Variants in ZNF469 observed in about 807,000 individuals in gnomAD.
ZNF469 encodes zinc finger protein 469.
Under a neutral mutation model 1.0 loss-of-function variants are expected in ZNF469, and 1 was observed. The observed-to-expected ratio is 1.00, with a 90% confidence interval of 0.35 to 4.73. The LOEUF (loss-of-function observed/expected upper bound fraction) is 4.73. ZNF469 is among the 30% of genes most tolerant of loss of function. The pLI is 0.16. For missense variants in ZNF469, 6,100 were observed against 5,356.3 expected (o/e 1.14, Z -4.33); for synonymous variants, 2,703 against 2,363.4 (o/e 1.14, Z -4.17).
chr16:88,366,420 C>T, the ZNF469 span, among the ~76,000 whole-genome samples: 1 of 151,862 alleles, frequency 6.6e-6, no homozygotes, highest in Admixed American at 6.6e-5. Context: ...ACACCACCAT[C>T]ATCACTATTG....
the ZNF469 span, among the ~76,000 whole-genome samples, chr16:88,360,300 G>T: frequency 6.6e-6 from 1 of 152,212 alleles, no homozygotes; most frequent in South Asian, 2.1e-4. Context: ...GATTACAGGT[G>T]TGAGCCACCG....
the ZNF469 span, among the ~76,000 whole-genome samples, chr16:88,147,937 C>T: frequency 3.3e-5 from 5 of 152,092 alleles, no homozygotes; most frequent in African/African-American, 9.7e-5. Context: ...CTTCCTTCGT[C>T]GTTGTGTGTA....
the ZNF469 span, among the ~76,000 whole-genome samples, chr16:88,312,966 A>G: frequency 1.3e-5 from 2 of 150,754 alleles, no homozygotes; most frequent in African/African-American, 2.4e-5. Flanking sequence ...ACTTAGTTCC[A>G]GAAATAATTG....
the ZNF469 span, among the ~76,000 whole-genome samples, chr16:88,282,740 G>A: frequency 5.9e-5 from 9 of 152,330 alleles, no homozygotes; most frequent in Admixed American, 2.0e-4. Flanking sequence ...CGTCTCACCC[G>A]TAAAGGGTCA....
At chr16:88,118,420 G>C in the ZNF469 span, among the ~76,000 whole-genome samples, 6 of 152,202 alleles carry the variant, frequency 3.9e-5, no homozygotes, top group Non-Finnish European at 8.8e-5. Flanking sequence ...AGCAAAGGAG[G>C]CACAAGAGTC....
intron 1 of ZNF469, among the ~76,000 whole-genome samples, chr16:88,398,312 C>T (rs569282735): frequency 8.5e-5 from 13 of 152,188 alleles, no homozygotes; most frequent in Non-Finnish European, 1.9e-4. Context: ...ACGTGAGTCA[C>T]AGATGAAGGG....
chr16:88,377,551 C>T, the ZNF469 span, among the ~76,000 whole-genome samples: 14 of 152,212 alleles, frequency 9.2e-5, no homozygotes, highest in Non-Finnish European at 1.9e-4. Context: ...ATCTGAGTCA[C>T]GCGCCACCAT....
At chr16:88,298,266 C>T in the ZNF469 span, among the ~76,000 whole-genome samples, 58 of 152,298 alleles carry the variant, frequency 3.8e-4, no homozygotes, top group African/African-American at 1.3e-3. Context: ...GGCAGCGGCA[C>T]CCCTGGTCAG....
At chr16:88,246,088 C>T in the ZNF469 span, among the ~76,000 whole-genome samples, 2 of 152,390 alleles carry the variant, frequency 1.3e-5, no homozygotes, top group South Asian at 4.1e-4. Context: ...TCAGCTCTGG[C>T]CCCAAGCCCC....
At chr16:88,310,902 C>G in the ZNF469 span, among the ~76,000 whole-genome samples, 2 of 152,312 alleles carry the variant, frequency 1.3e-5, no homozygotes, top group South Asian at 4.1e-4. Context: ...CTGTCCACAT[C>G]TCACCCTCTC....
chr16:88,431,702 G>A lies in ZNF469; in HGVS notation c.4232G>A (p.Ser1411Asn). The A allele has an allele frequency of 2.6e-6, 4 of 1,550,394 alleles. No homozygotes were observed. The highest frequency in any genetic ancestry group is 3.5e-6 in the Non-Finnish European group (4 of 1,146,984). ...TCAGCCAGGGATGCCCCGCCGGCCA[G>A]CAGCTCCTGCCTTTGCCAGGACGGC... Reference protein sequence around the residue: ...KPSARDAPPASSSCLCQDGED... With the variant: ...KPSARDAPPANSSCLCQDGED... Residue 1411 changes from serine (S) to asparagine (N), a missense_variant, in exon 3 of 3, where the codon AGC becomes AAC. Physicochemically the swap from Ser to Asn is conservative, Grantham distance 46 (BLOSUM62 1). Transcript: ENST00000565624.
chr16:88,323,250 G>T, the ZNF469 span, among the ~76,000 whole-genome samples: 2 of 152,176 alleles, frequency 1.3e-5, no homozygotes, highest in African/African-American at 4.8e-5. Flanking sequence ...AGGCCTTGGT[G>T]GTGCAGTGCC....
chr16:88,169,297 C>T, the ZNF469 span, among the ~76,000 whole-genome samples: 1 of 152,152 alleles, frequency 6.6e-6, no homozygotes, highest in African/African-American at 2.4e-5. This position sits in a 1 kb window ranked among gnomAD's most constrained non-coding sequence, Gnocchi z 6.1. Context: ...TCTGAGTTTC[C>T]GCGAATGTGT....
chr16:88,294,985 A>T, the ZNF469 span: 1 of 168,828 alleles, frequency 5.9e-6, no homozygotes, highest in Non-Finnish European at 1.3e-5. Context: ...GGAGGATGTC[A>T]TCTCTAGCCC....
the ZNF469 span, among the ~76,000 whole-genome samples, chr16:88,266,230 G>T: frequency 6.6e-6 from 1 of 152,278 alleles, no homozygotes; most frequent in South Asian, 2.1e-4. Flanking sequence ...TGGGAGGCCG[G>T]GTTCACGCTG....
At chr16:88,200,177 C>T in the ZNF469 span, among the ~76,000 whole-genome samples, 76 of 152,300 alleles carry the variant, frequency 5.0e-4, 1 homozygote, top group East Asian at 0.013. Flanking sequence ...CACCACCAAA[C>T]CCCGGCAGGC....
rs1041732051 is a variant in ZNF469, at chr16:88,434,888, C to A, written c.7418C>A (p.Thr2473Asn). ...WKGQAPHGPV[T>N]CEVCAASFRS... Reference sequence around the variant, plus strand: ...GGCCAAGCTCCACATGGGCCTGTGACCTGTGAGGTCTGCGCAGCCTCCTTC... The same window carrying A: ...GGCCAAGCTCCACATGGGCCTGTGAACTGTGAGGTCTGCGCAGCCTCCTTC... The change falls in exon 3 of 3, where the codon ACC becomes AAC. Residue 2473 changes from threonine (T) to asparagine (N), a missense_variant. Physicochemically the swap from Thr to Asn is moderately conservative, Grantham distance 65. Coordinates refer to ENST00000565624, the MANE Select transcript of ZNF469 (RefSeq NM_001367624.2). The A allele has an allele frequency of 1.3e-6, 2 of 1,550,370 alleles. No homozygotes were observed. Among genetic ancestry groups the A allele is most frequent in the Non-Finnish European group, 8.7e-7 (1 of 1,146,994 alleles).
At chr16:88,295,610 G>A in the ZNF469 span, among the ~76,000 whole-genome samples, 3 of 152,274 alleles carry the variant, frequency 2.0e-5, no homozygotes, top group South Asian at 4.1e-4. Context: ...ATCTGAAAGC[G>A]CTGATCTGTC....
chr16:88,281,168 TGA>T, the ZNF469 span, among the ~76,000 whole-genome samples: 1 of 128,768 alleles, frequency 7.8e-6, no homozygotes, highest in African/African-American at 2.8e-5. Context: ...AGTACTGTGC[TGA>T]TGTCGGTGCA....
Sources: allele counts gnomAD v4.1 joint callset (sites outside exome capture counted in the v4.1 genomes callset), GRCh38; gene constraint gnomAD v4.1.1; non-coding constraint Gnocchi (gnomAD v3.1); transcripts MANE v1.5; gene names NCBI Gene and HGNC (gene_info 2026-07-23, HGNC 2026-07-21).